C11orf97: variants seen among roughly 807,000 people sequenced by gnomAD.
The protein encoded by C11orf97 is chromosome 11 open reading frame 97.
Under a neutral mutation model 16.2 loss-of-function variants are expected in C11orf97, and 15 were observed. The observed-to-expected ratio is 0.93, with a 90% confidence interval of 0.62 to 1.43. The LOEUF is 1.43. C11orf97 is among the 40% of genes most tolerant of loss of function. The pLI, the probability that C11orf97 is intolerant of heterozygous loss-of-function variation, is 0.00. For missense variants in C11orf97, 171 were observed against 161.2 expected (o/e 1.06, Z -0.33); for synonymous variants, 61 against 65.7 (o/e 0.93, Z 0.34).
chr11:94,528,240 A>T, intron 3 of C11orf97, 31 bp downstream of exon 3: 1 of 1,521,904 alleles, frequency 6.6e-7, no homozygotes, highest in Non-Finnish European at 8.8e-7. Flanking sequence ...ACTTCCACTG[A>T]AGCCCCTGAG....
chr11:94,528,089 C>A lies in C11orf97; in HGVS notation c.256C>A (p.Leu86Met), dbSNP rs647484. ...GCCTTAAAAAATATTGACAGTGGCC[C>A]TGGAAGGGATTTGGAGCATTAAAAG... ...CHIKNPAAVA[L>M]EGIWSIKRNL... The change falls in exon 3 of 4, where the codon CTG (leucine) becomes ATG (methionine). Residue 86 changes from leucine (L) to methionine (M), a missense_variant. Transcript: ENST00000542198. 9.8e-5 allele frequency: 150 copies of A among 1,529,146 alleles called. No individual in the cohort carries two copies. The highest frequency in any genetic ancestry group is 1.2e-4 in the Non-Finnish European group (135 of 1,144,066). The allele number at this position is 1,529,146 out of a possible 1,614,324, so 94.7% of individuals were successfully genotyped here.
At chr11:94,512,778 G>A (rs1011302441) in intron 1 of C11orf97, 105 bp downstream of exon 1, 2 of 1,168,474 alleles carry the variant, frequency 1.7e-6, no homozygotes, top group Non-Finnish European at 2.1e-6. Context: ...GAAGGTTTGG[G>A]GCAGGGGAGG....
intron 1 of C11orf97, 24 bp from the exon 2 acceptor site, chr11:94,517,555 GTAAT>G: frequency 7.4e-7 from 1 of 1,353,018 alleles, no homozygotes. Flanking sequence ...TTTATACTAA[GTAAT>G]TGATTTTGTT....
chr11:94,517,569 T>G lies in C11orf97; in HGVS notation c.146-14T>G. 1 of 1,457,084 alleles carries G rather than the reference T, an allele frequency of 6.9e-7. No individual in the cohort carries two copies. The highest frequency in any genetic ancestry group is 9.2e-7 in the Non-Finnish European group (1 of 1,087,986). 90.3% of individuals were successfully genotyped at this position (1,457,084 alleles called of 1,614,324 possible). A position where few individuals can be genotyped will look rare whatever the true frequency, so the allele number is the denominator to read the frequency against. On this transcript the variant is annotated splice_polypyrimidine_tract_variant and intron_variant, in intron 1 of 3. Coordinates refer to ENST00000542198, the MANE Select transcript of C11orf97 (RefSeq NM_001190462.2). ...ATTTATACTAAGTAATTGATTTTGT[T>G]AATGCCTTTATAGGGAAGAAATTTT...
At chr11:94,530,188 C>T (rs1451859899) in intron 3 of C11orf97, among the ~76,000 whole-genome samples, 1 of 152,234 alleles carries the variant, frequency 6.6e-6, no homozygotes, top group African/African-American at 2.4e-5. Context: ...ATGGCTCCCG[C>T]TCATTTGTAC....
At chr11:94,515,083 G>A (rs1947601429) in intron 1 of C11orf97, among the ~76,000 whole-genome samples, 1 of 152,090 alleles carries the variant, frequency 6.6e-6, no homozygotes, top group African/African-American at 2.4e-5. Context: ...ATCTATAACT[G>A]TGCGTTGTAA....
intron 2 of C11orf97, among the ~76,000 whole-genome samples, chr11:94,522,723 C>T (rs1947669051): frequency 6.6e-6 from 1 of 152,196 alleles, no homozygotes; most frequent in Admixed American, 6.5e-5. Context: ...CTTAGTTTGG[C>T]TCAAGATCCC....
intron 1 of C11orf97, among the ~76,000 whole-genome samples, chr11:94,514,453 T>TTG (rs1478688778): frequency 6.6e-6 from 1 of 152,128 alleles, no homozygotes; most frequent in African/African-American, 2.4e-5. Context: ...TGTCTGTAAT[T>TTG]ATTGGAAAAG....
chr11:94,516,487 A>G (rs1275487664), intron 1 of C11orf97, among the ~76,000 whole-genome samples: 1 of 152,212 alleles, frequency 6.6e-6, no homozygotes. Flanking sequence ...CTGAACACAC[A>G]TTTGTTGAGC....
chr11:94,524,217 T>C (rs1255420295), intron 2 of C11orf97, among the ~76,000 whole-genome samples: 1 of 152,232 alleles, frequency 6.6e-6, no homozygotes, highest in African/African-American at 2.4e-5. Context: ...TATGCTCTTT[T>C]AATTCACATT....
At chr11:94,522,331 C>A (rs558114860) in intron 2 of C11orf97, among the ~76,000 whole-genome samples, 2 of 152,128 alleles carry the variant, frequency 1.3e-5, no homozygotes, top group Non-Finnish European at 1.5e-5. Context: ...GTCAGGAGAT[C>A]GAGACCATCC....
At chr11:94,523,898 T>C (rs948047840) in intron 2 of C11orf97, among the ~76,000 whole-genome samples, 16 of 152,200 alleles carry the variant, frequency 1.1e-4, no homozygotes, top group African/African-American at 3.6e-4. Context: ...GTTGTTACTT[T>C]GCACTCTATA....
intron 2 of C11orf97, among the ~76,000 whole-genome samples, chr11:94,526,814 A>C (rs1272195473): frequency 6.6e-6 from 1 of 152,186 alleles, no homozygotes; most frequent in East Asian, 1.9e-4. Context: ...TCTTCCTTGA[A>C]GGTCTTTGAA....
chr11:94,526,141 T>A (rs1434999061), intron 2 of C11orf97, among the ~76,000 whole-genome samples: 1 of 152,182 alleles, frequency 6.6e-6, no homozygotes, highest in African/African-American at 2.4e-5. Context: ...TTCCTCCTTC[T>A]GGAATGCACA....
chr11:94,519,474 T>A lies in C11orf97; in HGVS notation c.250+1787T>A, dbSNP rs577447328. Among the ~76,000 whole-genome samples, 426 of 152,328 alleles carry A rather than the reference T, an allele frequency of 2.8e-3. 3 individuals are homozygous for A. The highest frequency in any genetic ancestry group is 4.8e-3 in the Non-Finnish European group (328 of 68,028). On this transcript the variant is annotated intron_variant, in intron 2 of 3. Coordinates refer to ENST00000542198, the MANE Select transcript of C11orf97 (RefSeq NM_001190462.2). Reference sequence around the variant, plus strand: ...TGTTATATTCTGGATTTATCTTCATTGTTTTAAAAATCTACATAAAAGCTA... The same window carrying A: ...TGTTATATTCTGGATTTATCTTCATAGTTTTAAAAATCTACATAAAAGCTA...
chr11:94,531,993 T>A lies in C11orf97; in HGVS notation c.*93T>A. The A allele has an allele frequency of 9.3e-7, 1 of 1,072,242 alleles. No homozygotes were observed. The highest frequency in any genetic ancestry group is 2.8e-5 in the East Asian group (1 of 35,196). 66.4% of individuals were successfully genotyped at this position (1,072,242 alleles called of 1,614,324 possible). A position where few individuals can be genotyped will look rare whatever the true frequency, so the allele number is the denominator to read the frequency against. On this transcript the variant is annotated 3_prime_UTR_variant, in exon 4 of 4. Coordinates refer to ENST00000542198, the MANE Select transcript of C11orf97 (RefSeq NM_001190462.2). ...CAAGCTTGTTTCAGGATTTAAGATG[T>A]GTGCAAAAAAATGATAGCCTGTAAT...
chr11:94,514,572 C>A (rs998107070), intron 1 of C11orf97, among the ~76,000 whole-genome samples: 1 of 151,994 alleles, frequency 6.6e-6, no homozygotes, highest in Non-Finnish European at 1.5e-5. Context: ...TATATAAAGG[C>A]AGCTCCTTGA....
intron 2 of C11orf97, among the ~76,000 whole-genome samples, chr11:94,519,195 A>G (rs1254550010): frequency 2.6e-5 from 4 of 152,224 alleles, no homozygotes; most frequent in Non-Finnish European, 5.9e-5. Context: ...GGCATGAGCC[A>G]CCACGCCCGG....
At chr11:94,531,526 CAAAAAA>C (rs35270400) in intron 3 of C11orf97, among the ~76,000 whole-genome samples, 74 of 92,070 alleles carry the variant, frequency 8.0e-4, no homozygotes, top group Middle Eastern at 7.4e-3. Context: ...CAAAACAAGC[CAAAAAA>C]AAAAAAAAAA....
Sources: gnomAD v4.1 joint callset for allele counts (sites outside exome capture counted in the v4.1 genomes callset) on GRCh38, gnomAD v4.1.1 for gene constraint, MANE v1.5 for transcripts, NCBI Gene and HGNC (gene_info 2026-07-23, HGNC 2026-07-21) for gene names.